SCN1A: variants seen among roughly 807,000 people sequenced by gnomAD.
The protein encoded by SCN1A is sodium channel protein type 1 subunit alpha.
Under a neutral mutation model 193.7 loss-of-function variants are expected in SCN1A, and 13 were observed. The ratio of observed to expected loss-of-function variants is 0.07; its 90% CI spans 0.04 to 0.11. The LOEUF (loss-of-function observed/expected upper bound fraction) is 0.11. SCN1A is among the 10% of genes least tolerant of loss of function. SCN1A has a pLI of 1.00. For synonymous variants in SCN1A, 781 were observed against 843.6 expected (o/e 0.93, Z 1.29); for missense variants, 1,432 against 2,451.1 (o/e 0.58, Z 8.78).
At chr2:166,046,652 T>C (rs1377783479) in intron 12 of SCN1A, 118 bp downstream of exon 12, 11 of 934,982 alleles carry the variant, frequency 1.2e-5, no homozygotes, top group African/African-American at 3.3e-5. Flanking sequence ...CATCAAAATA[T>C]AGAAATCATT....
At chr2:166,137,320 C>T (rs1691900883) in intron 1 of SCN1A, among the ~76,000 whole-genome samples, 1 of 152,166 alleles carries the variant, frequency 6.6e-6, no homozygotes, top group African/African-American at 2.4e-5. Flanking sequence ...TACCCTAACC[C>T]TTAATACAGT....
chr2:166,101,038 T>C (rs866060761), intron 2 of SCN1A, among the ~76,000 whole-genome samples: 2,279 of 96,840 alleles, frequency 0.024, 83 homozygotes, highest in African/African-American at 0.091. Context: ...TAAATCATGC[T>C]GCTATAAAGA....
At chr2:165,985,152 G>C (rs1228480968), downstream of SCN1A, 1 of 152,090 alleles carries the variant, frequency 6.6e-6, no homozygotes, top group African/African-American at 2.4e-5. Flanking sequence ...GATCAGTCAA[G>C]AGGGAAAGAA....
chr2:166,134,923 C>G (rs1691797900), intron 1 of SCN1A, among the ~76,000 whole-genome samples: 1 of 151,992 alleles, frequency 6.6e-6, no homozygotes, highest in Admixed American at 6.6e-5. Flanking sequence ...ATATCTATTG[C>G]CACAGGAGGA....
chr2:166,036,252 A>G lies in SCN1A; in HGVS notation c.3225T>C (p.Tyr1075=), dbSNP rs1358367140. The change falls in exon 19 of 29, where the codon TAT becomes TAC. Residue 1075 remains tyrosine, a synonymous_variant. Coordinates refer to ENST00000674923, the MANE Select transcript of SCN1A (RefSeq NM_001165963.4). ...TTGTAGTTCCATTTACATCTTTAAG[A>G]TAGTCAAGATCTTTCCCAATTTCTG... ...HTAEIGKDLD[Y]LKDVNGTTSG... The G allele has an allele frequency of 2.5e-6, 4 of 1,613,924 alleles. No homozygotes were observed. Among genetic ancestry groups the G allele is most frequent in the Non-Finnish European group, 3.4e-6 (4 of 1,179,878 alleles).
chr2:166,120,198 T>A (rs1369933887), intron 2 of SCN1A, among the ~76,000 whole-genome samples: 1 of 151,780 alleles, frequency 6.6e-6, no homozygotes, highest in Admixed American at 6.6e-5. Context: ...TCCTTTTTTA[T>A]GTACTTTATG....
chr2:166,124,331 T>C (rs1690985503), intron 2 of SCN1A, among the ~76,000 whole-genome samples: 2 of 151,808 alleles, frequency 1.3e-5, no homozygotes, highest in Admixed American at 1.3e-4. Context: ...GGCAGATCAC[T>C]TGAGGTCAGG....
At chr2:166,053,182 T>C in intron 7 of SCN1A, 1 of 790,100 alleles carries the variant, frequency 1.3e-6, no homozygotes, top group South Asian at 1.5e-5. Context: ...TTATATTACT[T>C]GCATGGGTCT....
Position 166,098,717 on chromosome 2 carries a change from C to T in SCN1A, c.-141-20916G>A, listed in dbSNP as rs553651979. ...CAGTAGCATTTCCATACACCAATAACATCCAAGCTGAGAGCCAAGTCAATA... is the reference window on the plus strand; with the variant it reads ...CAGTAGCATTTCCATACACCAATAATATCCAAGCTGAGAGCCAAGTCAATA... On this transcript the variant is annotated intron_variant, in intron 2 of 28. Coordinates refer to ENST00000674923, the MANE Select transcript of SCN1A (RefSeq NM_001165963.4). Among the ~76,000 whole-genome samples the T allele has an allele frequency of 2.0e-5, 3 of 152,186 alleles. No homozygotes were observed. In the East Asian group the frequency reaches 5.8e-4, roughly 29 times the overall value.
rs574473934 is a variant in SCN1A, at chr2:166,045,271, C to T, written c.1434G>A (p.Arg478=). The T allele has an allele frequency of 1.2e-6, 2 of 1,614,162 alleles. No individual in the cohort carries two copies. Among genetic ancestry groups the T allele is most frequent in the Middle Eastern group, 1.6e-4 (1 of 6,062 alleles). ...EHSREPSAAG[R]LSDSSSEASK... ...AGGCTTCAGATGAGCTGTCTGAGAG[C>T]CTGCCTGCTGCACTGGGCTCTCTGG... Residue 478 remains arginine, a synonymous_variant, in exon 13 of 29, where the codon AGG becomes AGA. Coordinates refer to ENST00000674923, the MANE Select transcript of SCN1A (RefSeq NM_001165963.4).
At chr2:166,093,564 C>G (rs1002951201) in intron 2 of SCN1A, among the ~76,000 whole-genome samples, 7 of 152,206 alleles carry the variant, frequency 4.6e-5, no homozygotes, top group Middle Eastern at 3.4e-3. Flanking sequence ...AGGATGGTCT[C>G]AACCTCCTGA....
rs1698449902 is a variant in SCN1A at position 166,050,650 on chromosome 2, T to C, written c.964+1069A>G. On this transcript the variant is annotated intron_variant, in intron 9 of 28. Transcript: ENST00000674923. Reference sequence around the variant, plus strand: ...ATATATATATATATGTGTGTATATATTTTTTTTTTGTAGAGAAGGGGTCTC... The same window carrying C: ...ATATATATATATATGTGTGTATATACTTTTTTTTTGTAGAGAAGGGGTCTC... Among the ~76,000 whole-genome samples the C allele has an allele frequency of 1.5e-5, 2 of 134,502 alleles. 1 individual carries two copies. The highest frequency in any genetic ancestry group is 3.2e-5 in the Non-Finnish European group (2 of 62,020). 88.2% of individuals were successfully genotyped at this position (134,502 alleles called of 152,430 possible). A position where few individuals can be genotyped will look rare whatever the true frequency, so the allele number is the denominator to read the frequency against.
At chr2:166,011,627 T>C (rs1397558828) in intron 22 of SCN1A, among the ~76,000 whole-genome samples, 1 of 151,146 alleles carries the variant, frequency 6.6e-6, no homozygotes, top group Non-Finnish European at 1.5e-5. Flanking sequence ...TCAAATAGAA[T>C]TTTTTTAAAT....
At chr2:166,136,069 T>C (rs1405808628) in intron 1 of SCN1A, among the ~76,000 whole-genome samples, 1 of 152,238 alleles carries the variant, frequency 6.6e-6, no homozygotes, top group Non-Finnish European at 1.5e-5. Context: ...TCTATGACAC[T>C]TGATACATAA....
At chr2:166,096,559 C>T (rs4667505) in intron 2 of SCN1A, among the ~76,000 whole-genome samples, 3,353 of 152,220 alleles carry the variant, frequency 0.022, 284 homozygotes, top group Admixed American at 0.16. Context: ...GGATTACAGG[C>T]GTGAGCCACT....
chr2:166,145,301 TGC>T (rs1421650049), intron 1 of SCN1A, among the ~76,000 whole-genome samples: 1 of 151,994 alleles, frequency 6.6e-6, no homozygotes, highest in Admixed American at 6.6e-5. Context: ...CCTCCCCAAG[TGC>T]TGGGATTACA....
At chr2:166,063,019 A>G (rs144889583) in intron 4 of SCN1A, among the ~76,000 whole-genome samples, 1 of 152,198 alleles carries the variant, frequency 6.6e-6, no homozygotes, top group Non-Finnish European at 1.5e-5. Flanking sequence ...CAAGGCTCAT[A>G]GGAACATTGA....
intron 1 of SCN1A, among the ~76,000 whole-genome samples, chr2:166,136,440 T>C (rs150175597): frequency 1.2e-4 from 18 of 152,022 alleles, no homozygotes; most frequent in Non-Finnish European, 2.2e-4. Context: ...ATATATGTTA[T>C]GTTATGCTAC....
At chr2:166,130,526 G>A (rs2106286015), upstream of SCN1A, among the ~76,000 whole-genome samples, 1 of 152,308 alleles carries the variant, frequency 6.6e-6, no homozygotes, top group African/African-American at 2.4e-5. Flanking sequence ...TATTTTAAAT[G>A]TCTGGGTCAA....
Sources: allele counts gnomAD v4.1 joint callset (sites outside exome capture counted in the v4.1 genomes callset), GRCh38; gene constraint gnomAD v4.1.1; transcripts MANE v1.5; gene names NCBI Gene and HGNC (gene_info 2026-07-23, HGNC 2026-07-21).